Variants in MAFF observed in about 807,000 individuals in gnomAD.
MAFF encodes MAF bZIP transcription factor F.
In MAFF, 4 loss-of-function variants were observed where a neutral mutation model predicts 2.7. That is an observed-to-expected ratio of 1.48 (90% CI 0.73 to 3.39). The LOEUF (loss-of-function observed/expected upper bound fraction) is 3.39. MAFF is among the 30% of genes most tolerant of loss of function. MAFF has a pLI of 0.01. For missense variants in MAFF, 190 were observed against 246.6 expected (o/e 0.77, Z 1.54); for synonymous variants, 113 against 119.4 (o/e 0.95, Z 0.35).
chr22:38,210,273 C>T (rs1339725743), intron 1 of MAFF, among the ~76,000 whole-genome samples: 1 of 152,210 alleles, frequency 6.6e-6, no homozygotes, highest in Non-Finnish European at 1.5e-5. Context: ...GGGATCTCTG[C>T]AAGCGCCAAC....
intron 1 of MAFF, among the ~76,000 whole-genome samples, chr22:38,204,745 T>G (rs893564246): frequency 6.6e-6 from 1 of 152,226 alleles, no homozygotes. Flanking sequence ...ATTTGCTGTC[T>G]GTTCATTCAT....
intron 1 of MAFF, chr22:38,213,394 A>C (rs2091117175): frequency 1.2e-5 from 4 of 340,896 alleles, no homozygotes; most frequent in Non-Finnish European, 2.3e-5. Context: ...CTCTGCCTTC[A>C]TTGGCTTCCG....
rs374499428 is a variant in MAFF at position 38,214,422 on chromosome 22, C to G, written c.39C>G (p.Ile13Met). The change falls in exon 3 of 3, where the codon ATC (isoleucine) becomes ATG (methionine). Residue 13 changes from isoleucine to methionine, a missense_variant and splice_region_variant. By Grantham distance (10) the Ile-to-Met change is conservative. This residue lies in a region of MAFF where 87 missense variants were observed against 143.6 expected (regional missense o/e 0.61). Coordinates refer to ENST00000338483, the MANE Select transcript of MAFF (RefSeq NM_012323.4). This position sits in a 1 kb window ranked among gnomAD's most constrained non-coding sequence, Gnocchi z 6.3. ...VDPLSSKALK[I>M]KRELSENTPH... is the part of the protein sequence containing the mutation. ...CCTCAGTTTCCTCATGCCCGCAGAT[C>G]AAGCGAGAGCTGAGCGAGAACACGC... The G allele has an allele frequency of 4.3e-5, 69 of 1,589,934 alleles. No individual in the cohort carries two copies. Among genetic ancestry groups the G allele is most frequent in the Middle Eastern group, 3.3e-4 (2 of 6,004 alleles).
Position 38,202,454 on chromosome 22 carries a change from G to C in MAFF, c.-32+242G>C, listed in dbSNP as rs1193469993. 2 of 151,742 alleles carry C rather than the reference G, an allele frequency of 1.3e-5. No individual in the cohort carries two copies. The highest frequency in any genetic ancestry group is 4.8e-5 in the African/African-American group (2 of 41,332). 9.4% of individuals were successfully genotyped at this position (151,742 alleles called of 1,614,324 possible). Reference sequence around the variant, plus strand: ...GGGCCCCTTCCCGGGGCGCGGGCGGGTAGGCGGCGGCGCCGGGAGGAAGGG... The same window carrying C: ...GGGCCCCTTCCCGGGGCGCGGGCGGCTAGGCGGCGGCGCCGGGAGGAAGGG... On this transcript the variant is annotated intron_variant, in intron 1 of 2. Transcript: ENST00000338483. The surrounding 1 kb of genome is among the most constrained non-coding windows in gnomAD (Gnocchi z 7.4).
At position 38,214,755 on chromosome 22, in the gene MAFF, C is replaced by T; in HGVS notation, c.372C>T (p.Ala124=). ...GCTTCGCGCGCTCCGTGGCCGCCGC[C>T]CGCGGGCCCGCCACGCTCGTGGCGC... ...LQGFARSVAA[A]RGPATLVAPA... The change falls in exon 3 of 3, where the codon GCC becomes GCT. Residue 124 remains alanine (A), a synonymous_variant. Coordinates refer to ENST00000338483, the MANE Select transcript of MAFF (RefSeq NM_012323.4). The surrounding 1 kb of genome is among the most constrained non-coding windows in gnomAD (Gnocchi z 6.3). The T allele has an allele frequency of 1.4e-6, 2 of 1,407,720 alleles. No homozygotes were observed. The highest frequency in any genetic ancestry group is 1.8e-6 in the Non-Finnish European group (2 of 1,089,682). The allele number at this position is 1,407,720 out of a possible 1,614,324, so 87.2% of individuals were successfully genotyped here.
chr22:38,209,430 G>C (rs919569635), intron 1 of MAFF, among the ~76,000 whole-genome samples: 2 of 152,142 alleles, frequency 1.3e-5, no homozygotes, highest in Non-Finnish European at 2.9e-5. Flanking sequence ...AGATTGTCCA[G>C]CTGCTGTGTG....
chr22:38,211,914 T>C (rs2091104326), intron 1 of MAFF, among the ~76,000 whole-genome samples: 1 of 152,170 alleles, frequency 6.6e-6, no homozygotes, highest in African/African-American at 2.4e-5. Context: ...CAAAACTGGG[T>C]GATGCTCTTT....
intron 1 of MAFF, among the ~76,000 whole-genome samples, chr22:38,206,914 G>A (rs1253762557): frequency 6.6e-6 from 1 of 152,130 alleles, no homozygotes; most frequent in East Asian, 1.9e-4. Flanking sequence ...AGGGGGCCTG[G>A]ATACTTAACT....
rs2146025012 is a variant in MAFF, at chr22:38,214,895, G to A, written c.*17G>A. The A allele has an allele frequency of 1.3e-6, 2 of 1,506,334 alleles. No individual in the cohort carries two copies. The highest frequency in any genetic ancestry group is 2.7e-5 in the East Asian group (1 of 37,038). The allele number at this position is 1,506,334 out of a possible 1,614,324, so 93.3% of individuals were successfully genotyped here. On this transcript the variant is annotated 3_prime_UTR_variant, in exon 3 of 3. Transcript: ENST00000338483. This position sits in a 1 kb window ranked among gnomAD's most constrained non-coding sequence, Gnocchi z 6.3. Reference sequence around the variant, plus strand: ...TGCTCCTAGTGCCCGCCCCCGCCATGCCTCAGCCACGCCCCTCCGGCCTCA... The same window carrying A: ...TGCTCCTAGTGCCCGCCCCCGCCATACCTCAGCCACGCCCCTCCGGCCTCA...
chr22:38,208,185 G>A (rs1346172886), intron 1 of MAFF, among the ~76,000 whole-genome samples: 1 of 152,166 alleles, frequency 6.6e-6, no homozygotes, highest in Non-Finnish European at 1.5e-5. Context: ...TAACCTCCCA[G>A]CTGCTCACTG....
intron 1 of MAFF, among the ~76,000 whole-genome samples, chr22:38,213,176 C>CAAAAAA (rs57782814): frequency 1.6e-3 from 182 of 114,066 alleles, no homozygotes; most frequent in Middle Eastern, 0.011. Flanking sequence ...GACTCTGTCT[C>CAAAAAA]AAAAAAAAAA....
rs1400644604 is a variant in MAFF, at chr22:38,215,368, TAA to T, written c.*493_*494del. On this transcript the variant is annotated 3_prime_UTR_variant, in exon 3 of 3. Transcript: ENST00000338483. ...CTGGGGGTGCCTGGCCTTCCGAAAC[TAA>T]AAGAGTGGGTGGGAAGACTAGTGAA... is the stretch of plus-strand genomic sequence containing the variant. The T allele has an allele frequency of 1.2e-5, 2 of 168,608 alleles. No individual in the cohort carries two copies. The highest frequency in any genetic ancestry group is 4.8e-5 in the African/African-American group (2 of 41,366). 10.4% of individuals were successfully genotyped at this position (168,608 alleles called of 1,614,324 possible). A position where few individuals can be genotyped will look rare whatever the true frequency, so the allele number is the denominator to read the frequency against.
At chr22:38,205,714 C>T (rs1419979636) in intron 1 of MAFF, 1 of 152,344 alleles carries the variant, frequency 6.6e-6, no homozygotes, top group Admixed American at 6.5e-5. Context: ...GACAGAGGAC[C>T]CCTGGGTTCC....
intron 1 of MAFF, among the ~76,000 whole-genome samples, chr22:38,211,073 C>CA (rs1449761792): frequency 1.3e-5 from 2 of 150,908 alleles, no homozygotes; most frequent in Non-Finnish European, 3.0e-5. Context: ...AAAACAAAAA[C>CA]AAAAACAAAA....
At position 38,214,947 on chromosome 22, in the gene MAFF, C is replaced by T; in HGVS notation, c.*69C>T. ...CTCCCTCCCCAAAGTGCCTGAGCGC[C>T]GCCTCTGTGCCCAGGTCCCATTTCT... On this transcript the variant is annotated 3_prime_UTR_variant, in exon 3 of 3. Coordinates refer to ENST00000338483, the MANE Select transcript of MAFF (RefSeq NM_012323.4). This position sits in a 1 kb window ranked among gnomAD's most constrained non-coding sequence, Gnocchi z 6.3. 8.5e-7 allele frequency: 1 copy of T among 1,170,618 alleles called. No individual in the cohort carries two copies. Among genetic ancestry groups the T allele is most frequent in the Non-Finnish European group, 1.2e-6 (1 of 814,978 alleles). The allele number at this position is 1,170,618 out of a possible 1,614,324, so 72.5% of individuals were successfully genotyped here.
rs1415889315 is a variant in MAFF, at chr22:38,215,920, CTGTT to C, written c.*1044_*1047del. Reference sequence around the variant, plus strand: ...ACACTGTCCACACTGCCCCTCCCCACTGTTTATTTATTGCACGGATCTAAGTTAT... The same window carrying C: ...ACACTGTCCACACTGCCCCTCCCCACTATTTATTGCACGGATCTAAGTTAT... On this transcript the variant is annotated 3_prime_UTR_variant, in exon 3 of 3. Transcript: ENST00000338483. 1 of 167,184 alleles carries C rather than the reference CTGTT, an allele frequency of 6.0e-6. No individual in the cohort carries two copies. Among genetic ancestry groups the C allele is most frequent in the Non-Finnish European group, 1.5e-5 (1 of 68,178 alleles). 10.4% of individuals were successfully genotyped at this position (167,184 alleles called of 1,614,324 possible). A position where few individuals can be genotyped will look rare whatever the true frequency, so the allele number is the denominator to read the frequency against.
chr22:38,209,033 A>G (rs1405624170), intron 1 of MAFF, among the ~76,000 whole-genome samples: 4 of 148,534 alleles, frequency 2.7e-5, no homozygotes, highest in Non-Finnish European at 4.4e-5. Context: ...ATAGTAGGGA[A>G]CCATGGAAGG....
intron 1 of MAFF, among the ~76,000 whole-genome samples, chr22:38,212,107 C>A (rs2091105800): frequency 6.6e-6 from 1 of 152,192 alleles, no homozygotes; most frequent in African/African-American, 2.4e-5. Flanking sequence ...TTAAGCAATT[C>A]TCCTGCCTCA....
At chr22:38,204,813 C>A (rs1224459872) in intron 1 of MAFF, among the ~76,000 whole-genome samples, 1 of 152,132 alleles carries the variant, frequency 6.6e-6, no homozygotes, top group Non-Finnish European at 1.5e-5. Flanking sequence ...GCCTGAGGAC[C>A]CTACTGTGTT....
Sources: gnomAD v4.1 joint callset for allele counts (sites outside exome capture counted in the v4.1 genomes callset) on GRCh38, gnomAD v4.1.1 for gene constraint, gnomAD v4.1.1 regional missense constraint, Gnocchi (gnomAD v3.1) non-coding constraint, MANE v1.5 for transcripts, NCBI Gene and HGNC (gene_info 2026-07-23, HGNC 2026-07-21) for gene names.